Variants in STK38 observed in about 807,000 individuals in gnomAD.
STK38 encodes the protein serine/threonine kinase 38.
In STK38, 26 loss-of-function variants were observed where a neutral mutation model predicts 59.0. The ratio of observed to expected loss-of-function variants is 0.44; its 90% CI spans 0.32 to 0.61. The LOEUF is 0.61. STK38 is among the 20% of genes least tolerant of loss of function. The pLI is 0.04. For missense variants in STK38, 433 were observed against 566.0 expected (o/e 0.76, Z 2.38); for synonymous variants, 175 against 176.6 (o/e 0.99, Z 0.07).
At chr6:36,528,976 G>C (rs1275031526) in intron 2 of STK38, among the ~76,000 whole-genome samples, 1 of 151,866 alleles carries the variant, frequency 6.6e-6, no homozygotes, top group African/African-American at 2.4e-5. Context: ...TTAACTCCTT[G>C]AACACAATCA....
chr6:36,542,854 G>A (rs2127493383), intron 1 of STK38, among the ~76,000 whole-genome samples: 2 of 151,488 alleles, frequency 1.3e-5, no homozygotes, highest in African/African-American at 4.8e-5. Context: ...GCTGAGACAG[G>A]AGAATCGCTT....
chr6:36,507,670 GCTCC>G, intron 7 of STK38, 68 bp from the exon 8 acceptor site: 2 of 1,157,480 alleles, frequency 1.7e-6, no homozygotes, highest in Non-Finnish European at 2.6e-6. Flanking sequence ...ATTACGTTCT[GCTCC>G]TTCCAGCATC....
chr6:36,525,635 T>C lies in STK38; in HGVS notation c.139A>G (p.Lys47Glu). The C allele has an allele frequency of 6.2e-7, 1 of 1,613,516 alleles. No homozygotes were observed. The highest frequency in any genetic ancestry group is 8.5e-7 in the Non-Finnish European group (1 of 1,179,558). Residue 47 changes from lysine (K) to glutamate (E), a missense_variant, in exon 3 of 14, where the codon AAG (lysine) becomes GAG (glutamate). By Grantham distance (56) the Lys-to-Glu change is moderately conservative (BLOSUM62 1). This residue lies in a region of STK38 where 293 missense variants were observed against 388.2 expected (regional missense o/e 0.75). Coordinates refer to ENST00000229812, the MANE Select transcript of STK38 (RefSeq NM_007271.4). ...QHEEREMRQK[K>E]LEKVMEEEGL... ...TCTTCTTCCATCACCTTTTCTAACT[T>C]CTTTTGTCTAAAACAAACAAAAACA... is the stretch of plus-strand genomic sequence containing the variant.
intron 7 of STK38, among the ~76,000 whole-genome samples, chr6:36,509,376 G>A (rs1312033288): frequency 6.6e-6 from 1 of 152,162 alleles, no homozygotes; most frequent in East Asian, 1.9e-4. Flanking sequence ...GTTCGGTAAG[G>A]GTGGTGAGAA....
At chr6:36,509,762 C>T (rs1054484763) in intron 7 of STK38, among the ~76,000 whole-genome samples, 13 of 152,156 alleles carry the variant, frequency 8.5e-5, no homozygotes, top group Admixed American at 1.3e-4. Flanking sequence ...TCCCCTAGCC[C>T]GCTCTTTCAC....
intron 7 of STK38, among the ~76,000 whole-genome samples, chr6:36,511,749 T>C (rs947899623): frequency 1.3e-5 from 2 of 151,616 alleles, no homozygotes; most frequent in Non-Finnish European, 2.9e-5. Flanking sequence ...TGGACAACTC[T>C]AAGAAAGGAC....
chr6:36,510,281 C>T (rs1405180514), intron 7 of STK38, among the ~76,000 whole-genome samples: 2 of 152,272 alleles, frequency 1.3e-5, no homozygotes, highest in Non-Finnish European at 2.9e-5. Flanking sequence ...CCAGAGGGAG[C>T]TGAGGCTGCA....
chr6:36,505,712 A>G (rs902776423), intron 9 of STK38, among the ~76,000 whole-genome samples: 2 of 152,192 alleles, frequency 1.3e-5, no homozygotes, highest in African/African-American at 4.8e-5. Context: ...CATCATTCCA[A>G]GTTAGTCAGT....
chr6:36,514,561 GAGATTTGCCAAGGGTT>G (rs1257653753), intron 7 of STK38, among the ~76,000 whole-genome samples: 14 of 152,272 alleles, frequency 9.2e-5, no homozygotes, highest in African/African-American at 3.4e-4. Flanking sequence ...AGGTGGTAAA[GAGATTTGCCAAGGGTT>G]ATCTAGCAAG....
intron 11 of STK38, 152 bp downstream of exon 11, chr6:36,498,211 C>A: frequency 8.9e-7 from 1 of 1,125,790 alleles, no homozygotes; most frequent in Admixed American, 2.4e-5. Flanking sequence ...GAATTATAGG[C>A]GTAAGCCACC....
At position 36,494,969 on chromosome 6, in the gene STK38, C is replaced by G. The variant is rs931181575; in HGVS notation, c.*815G>C. ...AGGTATTGCTAGTCCACGGCAAGAT[C>G]TGTCTTAGGGATTTTCTGGTACAGC... On this transcript the variant is annotated 3_prime_UTR_variant, in exon 14 of 14. Transcript: ENST00000229812. The G allele has an allele frequency of 4.6e-5, 7 of 152,266 alleles. No homozygotes were observed. The highest frequency in any genetic ancestry group is 5.9e-5 in the Non-Finnish European group (4 of 68,058). The allele number at this position is 152,266 out of a possible 1,614,324, so 9.4% of individuals were successfully genotyped here. A position where few individuals can be genotyped will look rare whatever the true frequency, so the allele number is the denominator to read the frequency against.
At position 36,498,430 on chromosome 6, in the gene STK38, A is replaced by G. The variant is rs1185289698; in HGVS notation, c.1009T>C (p.Trp337Arg). Residue 337 changes from tryptophan to arginine, a missense_variant, in exon 11 of 14, where the codon TGG becomes CGG. Around this residue, in one of 3 missense-constraint regions of STK38, gnomAD observed 136 missense variants for 156.7 expected, o/e 0.87. Transcript: ENST00000229812. The stretch of plus-strand genomic sequence containing the variant: ...GGAGGAAAAGTCAAAGTTTCTTTCC[A>G]GTTCATCACCTTCTTATATGTCTCT... Reference protein sequence around the residue: ...PQETYKKVMNWKETLTFPPEV... With the variant: ...PQETYKKVMNRKETLTFPPEV... 6.2e-7 allele frequency: 1 copy of G among 1,614,068 alleles called. No homozygotes were observed. The highest frequency in any genetic ancestry group is 1.7e-5 in the Admixed American group (1 of 59,996).
chr6:36,517,162 A>G (rs1777276275), intron 6 of STK38, among the ~76,000 whole-genome samples: 1 of 152,108 alleles, frequency 6.6e-6, no homozygotes, highest in South Asian at 2.1e-4. Flanking sequence ...TCACTGACAA[A>G]CAGACTGCTT....
At chr6:36,544,223 C>A (rs577330462) in intron 1 of STK38, among the ~76,000 whole-genome samples, 1 of 152,134 alleles carries the variant, frequency 6.6e-6, no homozygotes, top group Non-Finnish European at 1.5e-5. Context: ...TAAGACACTG[C>A]ATTAAGAGCT....
chr6:36,514,864 A>T (rs898369563), intron 7 of STK38, among the ~76,000 whole-genome samples: 2 of 151,170 alleles, frequency 1.3e-5, no homozygotes, highest in Non-Finnish European at 3.0e-5. Context: ...AAAAAAAAAA[A>T]AAAAGAGGCT....
At chr6:36,534,904 AGATT>A (rs1777751268) in intron 2 of STK38, among the ~76,000 whole-genome samples, 1 of 152,130 alleles carries the variant, frequency 6.6e-6, no homozygotes, top group Non-Finnish European at 1.5e-5. Flanking sequence ...GAATATCACA[AGATT>A]GTTTACATAG....
Position 36,496,825 on chromosome 6 carries a change from C to A in STK38, c.1173-20G>T. On this transcript the variant is annotated intron_variant, in intron 12 of 13. Coordinates refer to ENST00000229812, the MANE Select transcript of STK38 (RefSeq NM_007271.4). ...CTCTCTCTGCCAAGAATACACATGCCAAAAATTACTAAGTTAGTAATCAAA... is the reference window on the plus strand; with the variant it reads ...CTCTCTCTGCCAAGAATACACATGCAAAAAATTACTAAGTTAGTAATCAAA... 6.4e-7 allele frequency: 1 copy of A among 1,560,484 alleles called. No individual in the cohort carries two copies. Among genetic ancestry groups the A allele is most frequent in the South Asian group, 1.1e-5 (1 of 88,494 alleles).
At chr6:36,524,128 A>C (rs1777450929) in intron 4 of STK38, among the ~76,000 whole-genome samples, 1 of 152,176 alleles carries the variant, frequency 6.6e-6, no homozygotes, top group Non-Finnish European at 1.5e-5. Context: ...AAACACCAAC[A>C]CCATCTCTGG....
At chr6:36,527,366 TACACACAC>T (rs60339207) in intron 2 of STK38, among the ~76,000 whole-genome samples, 2 of 145,608 alleles carry the variant, frequency 1.4e-5, no homozygotes, top group African/African-American at 2.6e-5. Flanking sequence ...TATATATTAG[TACACACAC>T]ACACACACAC....
Sources: allele counts gnomAD v4.1 joint callset (sites outside exome capture counted in the v4.1 genomes callset), GRCh38; gene constraint gnomAD v4.1.1; regional missense constraint gnomAD v4.1.1; transcripts MANE v1.5; gene names NCBI Gene and HGNC (gene_info 2026-07-23, HGNC 2026-07-21).